Variants in FHIT observed in about 807,000 individuals in gnomAD.
FHIT encodes the protein fragile histidine triad diadenosine triphosphatase, also known as bis(5'-adenosyl)-triphosphatase.
A neutral mutation model predicts 17.9 loss-of-function variants in FHIT; 19 were observed. The observed-to-expected ratio is 1.06, with a 90% CI of 0.74 to 1.56. The LOEUF is 1.56. Ranked by LOEUF, FHIT falls within the 40% of genes most tolerant of loss-of-function variation. The pLI is 0.00. For missense variants in FHIT, 248 were observed against 189.2 expected (o/e 1.31, Z -1.82); for synonymous variants, 81 against 69.7 (o/e 1.16, Z -0.81).
At chr3:60,509,670 C>T (rs984160400) in intron 5 of FHIT, among the ~76,000 whole-genome samples, 1 of 152,168 alleles carries the variant, frequency 6.6e-6, no homozygotes, top group African/African-American at 2.4e-5. Context: ...CACTTTAGTC[C>T]TCTAAGCACA....
At chr3:60,404,653 C>A (rs151073215) in intron 5 of FHIT, among the ~76,000 whole-genome samples, 1 of 152,142 alleles carries the variant, frequency 6.6e-6, no homozygotes, top group Non-Finnish European at 1.5e-5. Context: ...ACTAGGACCA[C>A]ACCTGTCTTT....
intron 5 of FHIT, 46 bp downstream of exon 5, chr3:60,536,813 TC>T: frequency 1.3e-6 from 2 of 1,555,124 alleles, no homozygotes; most frequent in Non-Finnish European, 1.7e-6. Context: ...CTGGTTAGGC[TC>T]AGAAGACTTT....
chr3:60,984,430 G>C (rs1277767281), intron 3 of FHIT, among the ~76,000 whole-genome samples: 1 of 152,188 alleles, frequency 6.6e-6, no homozygotes, highest in East Asian at 1.9e-4. Flanking sequence ...AATGTTCAGA[G>C]CTTTGTATAT....
At chr3:61,151,563 T>C (rs2037389228) in intron 2 of FHIT, among the ~76,000 whole-genome samples, 1 of 79,988 alleles carries the variant, frequency 1.3e-5, no homozygotes, top group Non-Finnish European at 2.4e-5. Context: ...GCTTGTGATA[T>C]TCTTTTCTTT....
chr3:60,046,233 A>G (rs6779755), intron 5 of FHIT, among the ~76,000 whole-genome samples: 12,189 of 152,266 alleles, frequency 0.08, 617 homozygotes, highest in Non-Finnish European at 0.11. Context: ...AGCAATTACC[A>G]TCTCACACAT....
intron 4 of FHIT, among the ~76,000 whole-genome samples, chr3:60,712,310 C>G (rs573596420): frequency 7.9e-5 from 12 of 152,216 alleles, no homozygotes; most frequent in African/African-American, 9.6e-5. Flanking sequence ...CGGTACCAGC[C>G]GCTGCAAAAT....
chr3:60,432,655 C>T (rs1375734597), intron 5 of FHIT, among the ~76,000 whole-genome samples: 1 of 152,018 alleles, frequency 6.6e-6, no homozygotes, highest in African/African-American at 2.4e-5. Context: ...TGAGAAGGGT[C>T]ATAGGATCCT....
At chr3:60,644,639 C>T (rs1168056016) in intron 4 of FHIT, among the ~76,000 whole-genome samples, 11 of 152,154 alleles carry the variant, frequency 7.2e-5, no homozygotes, top group African/African-American at 2.7e-4. Flanking sequence ...AATAATCTTC[C>T]TTTGCCCTTG....
chr3:60,221,925 A>G (rs556410277), intron 5 of FHIT, among the ~76,000 whole-genome samples: 1 of 151,840 alleles, frequency 6.6e-6, no homozygotes, highest in African/African-American at 2.4e-5. Flanking sequence ...ATGATTTCTT[A>G]TCAACTATCC....
At chr3:60,104,774 G>A (rs1453997349) in intron 5 of FHIT, among the ~76,000 whole-genome samples, 1 of 152,030 alleles carries the variant, frequency 6.6e-6, no homozygotes, top group African/African-American at 2.4e-5. Flanking sequence ...CCAGAACAAT[G>A]CTACCTCGCC....
chr3:59,845,730 T>C (rs1701695195), intron 8 of FHIT, among the ~76,000 whole-genome samples: 1 of 152,150 alleles, frequency 6.6e-6, no homozygotes, highest in Non-Finnish European at 1.5e-5. Context: ...CACGTGTACT[T>C]GAGAAGAATG....
At chr3:61,211,879 T>G (rs1342248707) in intron 1 of FHIT, among the ~76,000 whole-genome samples, 1 of 152,224 alleles carries the variant, frequency 6.6e-6, no homozygotes, top group African/African-American at 2.4e-5. Flanking sequence ...CCACTGCTGC[T>G]GATACCCAGG....
chr3:61,184,144 G>A (rs1039229367), intron 2 of FHIT, among the ~76,000 whole-genome samples: 1 of 152,064 alleles, frequency 6.6e-6, no homozygotes, highest in African/African-American at 2.4e-5. Flanking sequence ...CTACCCAGGA[G>A]ATAGTAAACT....
intron 4 of FHIT, among the ~76,000 whole-genome samples, chr3:60,538,672 C>G (rs200411593): frequency 2.6e-5 from 4 of 152,080 alleles, no homozygotes; most frequent in East Asian, 1.9e-4. Context: ...ACAAACCTGA[C>G]AAAAACAAGA....
At chr3:61,186,600 GAT>G (rs971188815) in intron 2 of FHIT, among the ~76,000 whole-genome samples, 5 of 152,190 alleles carry the variant, frequency 3.3e-5, no homozygotes, top group African/African-American at 1.2e-4. Context: ...GATGCTGAGA[GAT>G]ATGTTTGTCC....
chr3:61,127,384 G>A (rs190206363), intron 2 of FHIT, among the ~76,000 whole-genome samples: 1 of 152,258 alleles, frequency 6.6e-6, no homozygotes, highest in Admixed American at 6.5e-5. Flanking sequence ...GATCGATACA[G>A]GTGAGATAAG....
chr3:60,904,268 C>G (rs921506965), intron 3 of FHIT, among the ~76,000 whole-genome samples: 2 of 152,138 alleles, frequency 1.3e-5, no homozygotes, highest in African/African-American at 4.8e-5. Context: ...TATGGCTTCT[C>G]CATTTTCTCC....
chr3:61,165,589 C>T (rs145082460), intron 2 of FHIT: 23 of 152,358 alleles, frequency 1.5e-4, no homozygotes, highest in African/African-American at 5.5e-4. Context: ...AATCCCAGCA[C>T]TTTGGGAGGC....
At chr3:61,006,906 A>C (rs1022942365) in intron 3 of FHIT, among the ~76,000 whole-genome samples, 1 of 152,162 alleles carries the variant, frequency 6.6e-6, no homozygotes, top group Non-Finnish European at 1.5e-5. Context: ...GATTGGAAAG[A>C]AGGAGGGGAA....
Sources: allele counts gnomAD v4.1 joint callset (sites outside exome capture counted in the v4.1 genomes callset), GRCh38; gene constraint gnomAD v4.1.1; transcripts MANE v1.5; gene names NCBI Gene and HGNC (gene_info 2026-07-23, HGNC 2026-07-21).